DLG2: variants seen among roughly 807,000 people sequenced by gnomAD.
The protein encoded by DLG2 is disks large homolog 2.
In DLG2, 45 loss-of-function variants were observed where a neutral mutation model predicts 132.5. That is an observed-to-expected ratio of 0.34 (90% CI 0.27 to 0.44). The LOEUF (loss-of-function observed/expected upper bound fraction) is 0.44, where lower values mean the gene tolerates loss of function less well. Ranked by LOEUF, DLG2 falls within the 20% of genes least tolerant of loss-of-function variation. DLG2 has a pLI of 1.00. For missense variants in DLG2, 1,045 were observed against 1,196.9 expected (o/e 0.87, Z 1.87); for synonymous variants, 424 against 419.6 (o/e 1.01, Z -0.13).
chr11:84,549,751 T>C (rs905258796), intron 6 of DLG2, among the ~76,000 whole-genome samples: 3 of 152,064 alleles, frequency 2.0e-5, no homozygotes, highest in South Asian at 2.1e-4. Context: ...CCTATTTCTC[T>C]TTTTTTGTTT....
At chr11:85,508,763 A>G (rs542939521) in intron 3 of DLG2, among the ~76,000 whole-genome samples, 3 of 152,196 alleles carry the variant, frequency 2.0e-5, no homozygotes, top group Admixed American at 1.3e-4. Context: ...TCTACTTTGA[A>G]ATTGTATTAA....
At chr11:83,827,497 T>C (rs1350019941) in intron 17 of DLG2, among the ~76,000 whole-genome samples, 3 of 152,180 alleles carry the variant, frequency 2.0e-5, no homozygotes, top group Non-Finnish European at 4.4e-5. Context: ...TTACCTATTA[T>C]ACCTTCACTT....
chr11:84,984,434 G>C (rs560385665), intron 6 of DLG2, among the ~76,000 whole-genome samples: 6 of 152,232 alleles, frequency 3.9e-5, no homozygotes, highest in South Asian at 4.2e-4. Context: ...CAAATGCTGA[G>C]AGAATTTACC....
At chr11:83,565,608 TGTTG>T (rs2096694270) in intron 19 of DLG2, among the ~76,000 whole-genome samples, 1 of 152,254 alleles carries the variant, frequency 6.6e-6, no homozygotes, top group Non-Finnish European at 1.5e-5. Context: ...ATTATTTAAA[TGTTG>T]GATTAATCAC....
chr11:84,224,770 A>C (rs1469507627), intron 8 of DLG2, among the ~76,000 whole-genome samples: 1 of 152,170 alleles, frequency 6.6e-6, no homozygotes, highest in Non-Finnish European at 1.5e-5. Flanking sequence ...CCTGTTCTGC[A>C]TCCTCTCACT....
At chr11:83,844,547 C>CAAAAAAAAAA (rs59755957) in intron 16 of DLG2, among the ~76,000 whole-genome samples, 2 of 70,656 alleles carry the variant, frequency 2.8e-5, no homozygotes, top group Non-Finnish European at 5.0e-5. Context: ...GAGTCTGTAT[C>CAAAAAAAAAA]AAAAAAAAAA....
At chr11:85,254,500 C>T (rs931459230) in intron 4 of DLG2, among the ~76,000 whole-genome samples, 6 of 152,082 alleles carry the variant, frequency 3.9e-5, no homozygotes, top group African/African-American at 1.4e-4. Context: ...ATGTTTTCTA[C>T]ACCTTCTATA....
intron 6 of DLG2, among the ~76,000 whole-genome samples, chr11:84,850,270 A>T (rs192648001): frequency 6.6e-6 from 1 of 152,216 alleles, no homozygotes. Context: ...ACATCTTATT[A>T]TTTCCCCAAA....
At chr11:85,378,129 A>C (rs532753683) in intron 3 of DLG2, among the ~76,000 whole-genome samples, 4 of 152,258 alleles carry the variant, frequency 2.6e-5, no homozygotes, top group Non-Finnish European at 4.4e-5. Context: ...CAGAAACTTC[A>C]TGGAAAATAT....
intron 19 of DLG2, among the ~76,000 whole-genome samples, chr11:83,544,612 G>C (rs2031661536): frequency 6.6e-6 from 1 of 152,108 alleles, no homozygotes; most frequent in Admixed American, 6.6e-5. Flanking sequence ...AGGTGGTGAT[G>C]ATAAGGTGTT....
At position 85,435,457 on chromosome 11, in the gene DLG2, A is replaced by G. The variant is rs959350569; in HGVS notation, c.41-150092T>C. Among the ~76,000 whole-genome samples the G allele has an allele frequency of 2.0e-5, 3 of 152,218 alleles. No homozygotes were observed. In the East Asian group the frequency reaches 5.8e-4, roughly 29 times the overall value. On this transcript the variant is annotated intron_variant, in intron 3 of 27. Coordinates refer to ENST00000376104, the MANE Select transcript of DLG2 (RefSeq NM_001142699.3). ...TCTCCTTAAGCTGATAAGCAACTTC[A>G]GCAAAGTCTCAGAATACAAAATTAA...
At chr11:84,970,903 C>T (rs778245422) in intron 6 of DLG2, among the ~76,000 whole-genome samples, 2 of 152,140 alleles carry the variant, frequency 1.3e-5, no homozygotes, top group African/African-American at 2.4e-5. Flanking sequence ...TTCAGGCTTT[C>T]TGGAGGAGTC....
At chr11:84,689,794 A>AACGCACACACACAG (rs1423854658) in intron 6 of DLG2, among the ~76,000 whole-genome samples, 1 of 151,816 alleles carries the variant, frequency 6.6e-6, no homozygotes, top group Non-Finnish European at 1.5e-5. Context: ...TAGCTAAGTT[A>AACGCACACACACAG]ACGCACACAC....
intron 8 of DLG2, among the ~76,000 whole-genome samples, chr11:84,164,845 T>G (rs1348787975): frequency 6.6e-6 from 1 of 152,224 alleles, no homozygotes; most frequent in Non-Finnish European, 1.5e-5. Flanking sequence ...GAATCACAAT[T>G]TACTGTTTTA....
intron 6 of DLG2, among the ~76,000 whole-genome samples, chr11:85,064,696 T>C (rs1304124513): frequency 5.3e-5 from 8 of 151,742 alleles, no homozygotes; most frequent in Admixed American, 5.3e-4. Context: ...AGGTATTTTT[T>C]ACATATGATT....
chr11:84,537,166 G>C (rs951702500), intron 6 of DLG2, among the ~76,000 whole-genome samples: 12 of 152,088 alleles, frequency 7.9e-5, no homozygotes, highest in African/African-American at 2.9e-4. Context: ...GAGTGCAGTG[G>C]CACGATCTCA....
intron 21 of DLG2, among the ~76,000 whole-genome samples, chr11:83,490,308 A>C (rs967192788): frequency 2.6e-5 from 4 of 152,034 alleles, no homozygotes; most frequent in Non-Finnish European, 4.4e-5. Flanking sequence ...ATGAATAACG[A>C]CAGTAATAAA....
At chr11:85,468,791 G>T (rs995499861) in intron 3 of DLG2, among the ~76,000 whole-genome samples, 1 of 152,172 alleles carries the variant, frequency 6.6e-6, no homozygotes, top group Non-Finnish European at 1.5e-5. Flanking sequence ...ATATTCTGTT[G>T]ATTTGGGGTG....
intron 6 of DLG2, among the ~76,000 whole-genome samples, chr11:84,920,030 A>G (rs1460746400): frequency 6.6e-6 from 1 of 152,222 alleles, no homozygotes; most frequent in Non-Finnish European, 1.5e-5. Context: ...ACTAACAAGA[A>G]AACACAGGAC....
Sources: gnomAD v4.1 joint callset for allele counts (sites outside exome capture counted in the v4.1 genomes callset) on GRCh38, gnomAD v4.1.1 for gene constraint, MANE v1.5 for transcripts, NCBI Gene and HGNC (gene_info 2026-07-23, HGNC 2026-07-21) for gene names.